BRAF: variants seen among roughly 807,000 people sequenced by gnomAD.
BRAF encodes the protein serine/threonine-protein kinase B-raf.
Under a neutral mutation model 104.6 loss-of-function variants are expected in BRAF, and 16 were observed. The ratio of observed to expected loss-of-function variants is 0.15; its 90% CI spans 0.10 to 0.23. The LOEUF (loss-of-function observed/expected upper bound fraction) is 0.23. Among genes scored for constraint, BRAF ranks in the 10% least tolerant of loss-of-function variants. BRAF has a pLI of 1.00. For synonymous variants in BRAF, 310 were observed against 341.6 expected, an observed-to-expected ratio of 0.91 and a Z score of 1.02; for missense variants, 541 against 937.3, an observed-to-expected ratio of 0.58 and a Z score of 5.52.
intron 1 of BRAF, among the ~76,000 whole-genome samples, chr7:140,861,341 A>G (rs1433658891): frequency 6.6e-6 from 1 of 152,194 alleles, no homozygotes; most frequent in African/African-American, 2.4e-5. Flanking sequence ...TTAGGTACAA[A>G]AGGCCAAATG....
At chr7:140,767,880 T>G (rs1415129823) in intron 14 of BRAF, among the ~76,000 whole-genome samples, 1 of 152,202 alleles carries the variant, frequency 6.6e-6, no homozygotes, top group Non-Finnish European at 1.5e-5. Context: ...GTATATAAAG[T>G]ACACAGAATG....
chr7:140,907,074 T>G, intron 1 of BRAF, among the ~76,000 whole-genome samples: 1 of 152,252 alleles, frequency 6.6e-6, no homozygotes, highest in East Asian at 1.9e-4. Flanking sequence ...CTGTCTTCCA[T>G]GTCTCTTTAC....
chr7:140,831,347 G>C (rs541945772), intron 3 of BRAF, among the ~76,000 whole-genome samples: 3 of 152,288 alleles, frequency 2.0e-5, no homozygotes, highest in East Asian at 3.9e-4. Context: ...TGGAAGCAGA[G>C]TATTATTTTA....
intron 2 of BRAF, among the ~76,000 whole-genome samples, chr7:140,839,897 C>A (rs192521703): frequency 1.3e-5 from 2 of 152,218 alleles, no homozygotes; most frequent in African/African-American, 2.4e-5. Flanking sequence ...TGATCTACAA[C>A]CAAAAGTAAG....
At chr7:140,760,994 A>G (rs1353426566) in intron 14 of BRAF, among the ~76,000 whole-genome samples, 1 of 152,222 alleles carries the variant, frequency 6.6e-6, no homozygotes. Flanking sequence ...AACTTCCCCA[A>G]TCTAGCAAGG....
At chr7:140,784,807 G>A (rs1364674492) in intron 10 of BRAF, among the ~76,000 whole-genome samples, 2 of 152,050 alleles carry the variant, frequency 1.3e-5, no homozygotes, top group African/African-American at 4.8e-5. Flanking sequence ...ATCATGCCTA[G>A]CTAATTTTTT....
intron 1 of BRAF, among the ~76,000 whole-genome samples, chr7:140,851,367 T>C (rs1809140843): frequency 6.6e-6 from 1 of 152,140 alleles, no homozygotes; most frequent in South Asian, 2.1e-4. Context: ...CAGTAGAAAT[T>C]ATGGCCTTTT....
At position 140,743,508 on chromosome 7, in the gene BRAF, G is replaced by T. The variant is rs979788637; in HGVS notation, c.2113-3562C>A. Among the ~76,000 whole-genome samples the T allele has an allele frequency of 2.2e-4, 33 of 152,170 alleles. No individual in the cohort carries two copies. The East Asian group carries it at 6.0e-3, about 28-fold the overall frequency. On this transcript the variant is annotated intron_variant, in intron 17 of 19. Transcript: ENST00000644969. ...AAACACCGCATATTCTCACTCATAG[G>T]TGGGAATTGAACAATGAGAACACGT...
At chr7:140,734,798 AAAAAAAAAG>A in intron 18 of BRAF, 28 bp from the exon 18 acceptor site, 6 of 1,099,022 alleles carry the variant, frequency 5.5e-6, no homozygotes, top group Admixed American at 4.1e-5. Context: ...AAAAAAAAAG[AAAAAAAAAG>A]AAAAAAGAAA....
rs6975717 is a variant in BRAF at position 140,771,728 on chromosome 7, T to C, written c.1814+5184A>G. On this transcript the variant is annotated intron_variant, in intron 14 of 19. Coordinates refer to ENST00000644969, the MANE Select transcript of BRAF (RefSeq NM_001374258.1). ...ACCCTATAGCCTTATTGTCTAGCTA[T>C]AGACTATATCTGGCTTGGTCAGTCC... 1.3e-3 allele frequency among the ~76,000 whole-genome samples: 194 copies of C among 150,002 alleles called. 2 individuals carry two copies. The highest frequency in any genetic ancestry group is 4.2e-3 in the African/African-American group (175 of 41,334).
chr7:140,888,614 T>TCACA (rs1813843615), intron 1 of BRAF, among the ~76,000 whole-genome samples: 1 of 152,082 alleles, frequency 6.6e-6, no homozygotes, highest in African/African-American at 2.4e-5. Flanking sequence ...GGCGGGCAGA[T>TCACA]CACCTGAGGT....
chr7:140,801,271 T>C, intron 6 of BRAF, 141 bp downstream of exon 6: 1 of 866,116 alleles, frequency 1.2e-6, no homozygotes, highest in South Asian at 1.7e-5. Flanking sequence ...CATATTATTC[T>C]CTAACTACAC....
intron 19 of BRAF, chr7:140,733,690 A>G (rs893086599): frequency 2.0e-5 from 3 of 152,332 alleles, no homozygotes; most frequent in African/African-American, 7.2e-5. Context: ...GAGAGGTAAG[A>G]ATAATCTAAT....
intron 1 of BRAF, among the ~76,000 whole-genome samples, chr7:140,896,146 A>G (rs1469484401): frequency 6.6e-6 from 1 of 152,122 alleles, no homozygotes; most frequent in East Asian, 1.9e-4. Context: ...AGTCTTCTAC[A>G]GTTTTATAGC....
At chr7:140,807,749 C>T (rs1359044208) in intron 5 of BRAF, among the ~76,000 whole-genome samples, 1 of 152,022 alleles carries the variant, frequency 6.6e-6, no homozygotes, top group East Asian at 1.9e-4. Context: ...ACAATGCATA[C>T]ATTTTACTTT....
intron 14 of BRAF, among the ~76,000 whole-genome samples, chr7:140,762,818 C>T (rs1798888082): frequency 6.6e-6 from 1 of 152,118 alleles, no homozygotes; most frequent in African/African-American, 2.4e-5. Flanking sequence ...TCTTAAGGAG[C>T]ATGCTGCCTT....
Position 140,724,592 on chromosome 7 carries a change from T to C in BRAF, c.*1902A>G. On this transcript the variant is annotated 3_prime_UTR_variant, in exon 20 of 20. Transcript: ENST00000644969. ...ACTAGGACAACCTTTTACAAGACAATGAAAATTTCAATAGGCTTTCTTCTG... is the reference window on the plus strand; with the variant it reads ...ACTAGGACAACCTTTTACAAGACAACGAAAATTTCAATAGGCTTTCTTCTG... The C allele has an allele frequency of 2.9e-6, 3 of 1,039,816 alleles. No individual in the cohort carries two copies. The highest frequency in any genetic ancestry group is 3.5e-6 in the Non-Finnish European group (3 of 863,058). The allele number at this position is 1,039,816 out of a possible 1,614,324, so 64.4% of individuals were successfully genotyped here.
chr7:140,760,390 G>C (rs1377746928), intron 14 of BRAF, among the ~76,000 whole-genome samples: 1 of 149,758 alleles, frequency 6.7e-6, no homozygotes, highest in Non-Finnish European at 1.5e-5. Context: ...TCCAGCCTGA[G>C]GGACAGAGTG....
chr7:140,828,377 T>G (rs1045596961), intron 3 of BRAF, among the ~76,000 whole-genome samples: 1 of 152,236 alleles, frequency 6.6e-6, no homozygotes, highest in South Asian at 2.1e-4. Context: ...TATGCTTTTC[T>G]GGTTTTTTCA....
Sources: gnomAD v4.1 joint callset for allele counts (sites outside exome capture counted in the v4.1 genomes callset) on GRCh38, gnomAD v4.1.1 for gene constraint, MANE v1.5 for transcripts, NCBI Gene and HGNC (gene_info 2026-07-23, HGNC 2026-07-21) for gene names.